The following MTG1 variants were observed in gnomAD, a reference collection of about 807,000 sequenced individuals.
MTG1 encodes mitochondrial ribosome associated GTPase 1.
A neutral mutation model predicts 39.5 loss-of-function variants in MTG1; 30 were observed. That is an observed-to-expected ratio of 0.76 (90% CI 0.57 to 1.03). The LOEUF (loss-of-function observed/expected upper bound fraction) is 1.03. MTG1 is among the 50% of genes least tolerant of loss of function. The pLI is 0.00. For synonymous variants in MTG1, 217 were observed against 179.0 expected, an observed-to-expected ratio of 1.21 and a Z score of -1.69; for missense variants, 513 against 447.4, an observed-to-expected ratio of 1.15 and a Z score of -1.32.
chr10:133,400,161 C>T (rs1849852326), intron 6 of MTG1, among the ~76,000 whole-genome samples: 1 of 151,824 alleles, frequency 6.6e-6, no homozygotes, highest in Non-Finnish European at 1.5e-5. Flanking sequence ...CACTGCGTTC[C>T]AGCCTGGGCG....
At position 133,401,602 on chromosome 10, in the gene MTG1, A is replaced by G. The variant is rs1447205536; in HGVS notation, c.573+12A>G. 6.2e-7 allele frequency: 1 copy of G among 1,613,470 alleles called. No homozygotes were observed. Among genetic ancestry groups the G allele is most frequent in the Non-Finnish European group, 8.5e-7 (1 of 1,179,754 alleles). On this transcript the variant is annotated intron_variant, in intron 7 of 10. Transcript: ENST00000317502. ...TGTCCAAAATTCAGGTGGAGTCCTC[A>G]GGGGCCAGGCCCAGCACTCTGTCAA...
intron 9 of MTG1, among the ~76,000 whole-genome samples, chr10:133,409,473 A>G (rs1226992615): frequency 6.6e-6 from 1 of 152,184 alleles, no homozygotes; most frequent in Non-Finnish European, 1.5e-5. Flanking sequence ...AGAATGTTCC[A>G]TGTGCCGATG....
At chr10:133,397,568 T>A (rs892940355) in intron 3 of MTG1, among the ~76,000 whole-genome samples, 61 of 151,458 alleles carry the variant, frequency 4.0e-4, no homozygotes, top group Admixed American at 3.8e-3. Context: ...AAGCTCTGCC[T>A]CCCGGGTTCA....
intron 3 of MTG1, 85 bp from the exon 4 acceptor site, chr10:133,398,350 A>T: frequency 7.3e-7 from 1 of 1,365,848 alleles, no homozygotes; most frequent in Non-Finnish European, 1.0e-6. Flanking sequence ...CAGGGAGCCG[A>T]GATTGTGCTA....
In MTG1 at chr10:133,401,563, C is replaced by G. The variant is rs766354975; in HGVS notation, c.546C>G (p.Ile182Met). 4.4e-6 allele frequency: 7 copies of G among 1,601,824 alleles called. No individual in the cohort carries two copies. The highest frequency in any genetic ancestry group is 6.0e-6 in the Non-Finnish European group (7 of 1,172,194). The change falls in exon 7 of 11, where the codon ATC becomes ATG. Residue 182 changes from isoleucine (I) to methionine (M), a missense_variant. Transcript: ENST00000317502. ...KATRVGGEPG[I>M]TRAVMSKIQV... The stretch of plus-strand genomic sequence containing the variant: ...CCAGGGTGGGTGGCGAGCCTGGGAT[C>G]ACCAGAGCTGTGATGTCCAAAATTC...
intron 9 of MTG1, among the ~76,000 whole-genome samples, chr10:133,410,396 T>C (rs1401084058): frequency 6.6e-6 from 1 of 152,192 alleles, no homozygotes; most frequent in Non-Finnish European, 1.5e-5. Context: ...GTACATTTGC[T>C]TTCAATATTA....
chr10:133,417,074 T>C (rs1296156171), intron 9 of MTG1, among the ~76,000 whole-genome samples: 1 of 151,606 alleles, frequency 6.6e-6, no homozygotes, highest in African/African-American at 2.4e-5. Flanking sequence ...TGTTGTTTCC[T>C]GACTTTTTAA....
intron 3 of MTG1, among the ~76,000 whole-genome samples, chr10:133,396,469 T>G (rs1849784830): frequency 6.6e-6 from 1 of 152,220 alleles, no homozygotes; most frequent in African/African-American, 2.4e-5. Context: ...GTTCGTGACC[T>G]GGACACCCAG....
chr10:133,419,416 G>C (rs763561381), intron 9 of MTG1, 64 bp from the exon 10 acceptor site: 60 of 1,421,818 alleles, frequency 4.2e-5, no homozygotes, highest in Non-Finnish European at 5.7e-5. Flanking sequence ...GGAAGGGCCC[G>C]GCCTGGCTGG....
chr10:133,398,354 T>G (rs1849819312), intron 3 of MTG1, 81 bp from the exon 4 acceptor site: 2 of 1,393,074 alleles, frequency 1.4e-6, no homozygotes, highest in Non-Finnish European at 2.0e-6. Flanking sequence ...GAGCCGAGAT[T>G]GTGCTACTGC....
chr10:133,417,895 A>C (rs1331499406), intron 9 of MTG1, among the ~76,000 whole-genome samples: 4 of 152,258 alleles, frequency 2.6e-5, no homozygotes, highest in Non-Finnish European at 5.9e-5. Context: ...AAATGGAAGA[A>C]CATTCCATGC....
At chr10:133,404,718 T>C (rs1167658528) in intron 9 of MTG1, among the ~76,000 whole-genome samples, 4 of 152,220 alleles carry the variant, frequency 2.6e-5, no homozygotes, top group Non-Finnish European at 5.9e-5. Flanking sequence ...TTTTGGTATA[T>C]GGTACAAGCT....
Position 133,396,198 on chromosome 10 carries a change from A to G in MTG1, c.213A>G (p.Glu71=), listed in dbSNP as rs1849780804. The G allele has an allele frequency of 2.5e-6, 4 of 1,614,090 alleles. No homozygotes were observed. The highest frequency in any genetic ancestry group is 3.3e-5 in the Admixed American group (2 of 59,988). ...PLSGRNPLFQ[E]TLGLKPHLLV... ...CAGGCCGCAACCCTCTGTTTCAGGAAACCCTTGGGCTTAAGCCTCACTTGC... is the reference window on the plus strand; with the variant it reads ...CAGGCCGCAACCCTCTGTTTCAGGAGACCCTTGGGCTTAAGCCTCACTTGC... Residue 71 remains glutamate, a synonymous_variant, in exon 3 of 11, where the codon GAA becomes GAG. Coordinates refer to ENST00000317502, the MANE Select transcript of MTG1 (RefSeq NM_138384.4).
intron 7 of MTG1, 143 bp downstream of exon 7, chr10:133,401,733 G>GT: frequency 1.2e-6 from 1 of 800,062 alleles, no homozygotes; most frequent in Non-Finnish European, 2.1e-6. Context: ...CCCCGGGGCA[G>GT]GCACTGCCCC....
intron 9 of MTG1, among the ~76,000 whole-genome samples, chr10:133,413,525 G>C (rs1850075550): frequency 6.6e-6 from 1 of 152,224 alleles, no homozygotes; most frequent in Admixed American, 6.5e-5. Flanking sequence ...TGGGATTTCA[G>C]ATGTGAGCCA....
intron 6 of MTG1, among the ~76,000 whole-genome samples, chr10:133,400,383 C>T (rs1399018664): frequency 6.6e-6 from 1 of 152,228 alleles, no homozygotes; most frequent in Non-Finnish European, 1.5e-5. Flanking sequence ...TGTGCCTGTT[C>T]TCAGACTCTG....
At position 133,419,577 on chromosome 10, in the gene MTG1, G is replaced by C. The variant is rs1263785323; in HGVS notation, c.850G>C (p.Val284Leu). The change falls in exon 10 of 11, where the codon GTG (valine) becomes CTG (leucine). Residue 284 changes from valine (V) to leucine (L), a missense_variant. Coordinates refer to ENST00000317502, the MANE Select transcript of MTG1 (RefSeq NM_138384.4). The part of the protein sequence containing the change: ...VKLGKTQKVK[V>L]LTGTGNVNII... ...GCTGGGGAAGACGCAGAAGGTGAAG[G>C]TGCTCACGGGCACGGGTGAGTGAGG... 5.0e-6 allele frequency: 8 copies of C among 1,605,664 alleles called. No individual in the cohort carries two copies. Among genetic ancestry groups the C allele is most frequent in the Admixed American group, 1.7e-5 (1 of 59,030 alleles).
chr10:133,417,951 A>G (rs1356411866), intron 9 of MTG1, among the ~76,000 whole-genome samples: 1 of 152,250 alleles, frequency 6.6e-6, no homozygotes, highest in Non-Finnish European at 1.5e-5. Context: ...CATACTGCCC[A>G]AGGTAATTTA....
intron 9 of MTG1, among the ~76,000 whole-genome samples, chr10:133,414,602 A>G (rs1398654472): frequency 1.1e-4 from 16 of 149,270 alleles, no homozygotes; most frequent in Admixed American, 1.0e-3. Context: ...CACTTCCTAG[A>G]TGGGATGGCG....
Sources: gnomAD v4.1 joint callset for allele counts (sites outside exome capture counted in the v4.1 genomes callset) on GRCh38, gnomAD v4.1.1 for gene constraint, MANE v1.5 for transcripts, NCBI Gene and HGNC (gene_info 2026-07-23, HGNC 2026-07-21) for gene names.